The following TASOR2 variants were observed in gnomAD, a reference collection of about 807,000 sequenced individuals.
TASOR2 encodes the protein transcription activation suppressor family member 2.
In TASOR2, 84 loss-of-function variants were observed where a neutral mutation model predicts 199.5. The observed-to-expected ratio is 0.42, with a 90% CI of 0.35 to 0.50. The LOEUF (loss-of-function observed/expected upper bound fraction) is 0.50, where lower values mean the gene tolerates loss of function less well. TASOR2 is among the 20% of genes least tolerant of loss of function. TASOR2 has a pLI of 0.02. For missense variants in TASOR2, 2,796 were observed against 2,835.9 expected, an observed-to-expected ratio of 0.99 and a Z score of 0.32; for synonymous variants, 1,103 against 1,046.6, an observed-to-expected ratio of 1.05 and a Z score of -1.04.
intron 1 of TASOR2, chr10:5,693,002 GGAGGTGACT>G (rs1836655887): frequency 1.3e-5 from 2 of 152,396 alleles, no homozygotes; most frequent in East Asian, 1.9e-4. Context: ...GCTCACCCAC[GGAGGTGACT>G]GTTAATACAG....
At chr10:5,734,645 A>G (rs1835298993) in intron 11 of TASOR2, among the ~76,000 whole-genome samples, 1 of 150,944 alleles carries the variant, frequency 6.6e-6, no homozygotes, top group African/African-American at 2.4e-5. Context: ...AAACAGAAAT[A>G]TCTATATCCT....
intron 14 of TASOR2, among the ~76,000 whole-genome samples, chr10:5,744,972 T>C (rs1347636629): frequency 6.6e-6 from 1 of 152,222 alleles, no homozygotes; most frequent in African/African-American, 2.4e-5. Context: ...ACACAGTTCC[T>C]GATTTCCAAC....
In TASOR2 at chr10:5,737,291, T is replaced by G. The variant is rs118013621; in HGVS notation, c.1447+1745T>G. ...AGGTTTGTTTTTTTTAGTTTTTTTGTTTTTTTTTTCAACTTAAGCATACCC... is the reference window on the plus strand; with the variant it reads ...AGGTTTGTTTTTTTTAGTTTTTTTGGTTTTTTTTTCAACTTAAGCATACCC... On this transcript the variant is annotated intron_variant, in intron 12 of 20. Transcript: ENST00000328090. This position sits in a 1 kb window ranked among gnomAD's most constrained non-coding sequence, Gnocchi z 4.9. Among the ~76,000 whole-genome samples, 967 of 148,758 alleles carry G rather than the reference T, an allele frequency of 6.5e-3. 16 individuals carry two copies. Among genetic ancestry groups the G allele is most frequent in the South Asian group, 0.046 (216 of 4,668 alleles).
In TASOR2 at chr10:5,726,854, C is replaced by A. The variant is rs373807177; in HGVS notation, c.352-31C>A. 2.9e-4 allele frequency: 458 copies of A among 1,578,850 alleles called. 1 individual carries two copies. The Middle Eastern group carries it at 3.0e-3, about 10-fold the overall frequency. On this transcript the variant is annotated intron_variant, in intron 8 of 20. Coordinates refer to ENST00000328090, the Ensembl canonical transcript of TASOR2. Reference sequence around the variant, plus strand: ...GAGAAGAGAGGGATTGCAGAATATTCCTTCAGTTGAATTTTTCCTTTTTAT... The same window carrying A: ...GAGAAGAGAGGGATTGCAGAATATTACTTCAGTTGAATTTTTCCTTTTTAT...
At chr10:5,708,544 CTCTT>C (rs1191239221) in intron 1 of TASOR2, among the ~76,000 whole-genome samples, 74 of 149,350 alleles carry the variant, frequency 5.0e-4, no homozygotes, top group Middle Eastern at 3.4e-3. Context: ...TCCTTTCTTT[CTCTT>C]TCTTTCTTTC....
intron 14 of TASOR2, among the ~76,000 whole-genome samples, chr10:5,745,363 A>G (rs1837038387): frequency 6.6e-6 from 1 of 152,224 alleles, no homozygotes; most frequent in East Asian, 1.9e-4. Flanking sequence ...ACTAGAATCA[A>G]TGTATTCTGA....
chr10:5,691,948 C>T (rs767499725), intron 1 of TASOR2, among the ~76,000 whole-genome samples: 62 of 152,192 alleles, frequency 4.1e-4, no homozygotes, highest in Admixed American at 9.8e-4. Flanking sequence ...GAGACAGAGG[C>T]GGGCTGATCA....
intron 1 of TASOR2, among the ~76,000 whole-genome samples, chr10:5,693,638 G>T (rs1836770829): frequency 6.6e-6 from 1 of 152,172 alleles, no homozygotes; most frequent in Non-Finnish European, 1.5e-5. Flanking sequence ...GGAGGAGGGG[G>T]GAACCCCCAC....
rs1434091507 is a variant in TASOR2, at chr10:5,740,646, A to C, written c.2327+149A>C. 1.2e-6 allele frequency: 1 copy of C among 861,290 alleles called. No individual in the cohort carries two copies. The highest frequency in any genetic ancestry group is 2.7e-5 in the East Asian group (1 of 37,218). 53.4% of individuals were successfully genotyped at this position (861,290 alleles called of 1,614,324 possible). A position where few individuals can be genotyped will look rare whatever the true frequency, so the allele number is the denominator to read the frequency against. On this transcript the variant is annotated intron_variant, in intron 13 of 20. Transcript: ENST00000328090. This position sits in a 1 kb window ranked among gnomAD's most constrained non-coding sequence, Gnocchi z 5.3. The stretch of plus-strand genomic sequence containing the variant: ...AATTTGATAATAACATCAAGCAAAC[A>C]TGTTTCCTGGCAATTAAGAGTAACA...
In TASOR2 at chr10:5,699,669, A is replaced by G. The variant is rs897726245; in HGVS notation, c.-287-13154A>G. ...AGAAATAGAGAAAAATGATCAAGCC[A>G]TTTCAGAAGTACACAAGGGAGACTA... On this transcript the variant is annotated intron_variant, in intron 1 of 20. Coordinates refer to ENST00000328090, the Ensembl canonical transcript of TASOR2. The surrounding 1 kb of genome is among the most constrained non-coding windows in gnomAD (Gnocchi z 4.1). 6.9e-6 allele frequency: 2 copies of G among 289,072 alleles called. No homozygotes were observed. The highest frequency in any genetic ancestry group is 1.7e-3 in the Middle Eastern group (1 of 572). The allele number at this position is 289,072 out of a possible 1,614,324, so 17.9% of individuals were successfully genotyped here. A position where few individuals can be genotyped will look rare whatever the true frequency, so the allele number is the denominator to read the frequency against.
At chr10:5,708,845 G>A (rs888307804) in intron 1 of TASOR2, among the ~76,000 whole-genome samples, 1 of 151,926 alleles carries the variant, frequency 6.6e-6, no homozygotes, top group Admixed American at 6.6e-5. Flanking sequence ...GGGACTACAG[G>A]TGCACTCCAC....
intron 14 of TASOR2, chr10:5,743,975 CA>C (rs1369968242): frequency 1.3e-5 from 2 of 152,200 alleles, no homozygotes; most frequent in Non-Finnish European, 2.9e-5. Flanking sequence ...GCATGATAGG[CA>C]CTAGAAACCA....
At chr10:5,753,422 G>A (rs1266452932) in intron 15 of TASOR2, among the ~76,000 whole-genome samples, 1 of 152,198 alleles carries the variant, frequency 6.6e-6, no homozygotes, top group Admixed American at 6.5e-5. Context: ...GAGTGCAGTG[G>A]CGCGATCTCG....
rs946631001 is a variant in TASOR2 at position 5,710,075 on chromosome 10, T to C, written c.-287-2748T>C. Among the ~76,000 whole-genome samples, 10 of 152,178 alleles carry C rather than the reference T, an allele frequency of 6.6e-5. No homozygotes were observed. The highest frequency in any genetic ancestry group is 2.2e-4 in the African/African-American group (9 of 41,466). On this transcript the variant is annotated intron_variant, in intron 1 of 20. Coordinates refer to ENST00000328090, the Ensembl canonical transcript of TASOR2. The surrounding 1 kb of genome is among the most constrained non-coding windows in gnomAD (Gnocchi z 4.6). ...ATAAAGCTTGAGCATTGCTCAGCAG[T>C]TATGAGACCATTCATTCATAAAGTG...
At chr10:5,718,171 T>TA (rs1832882853) in intron 3 of TASOR2, among the ~76,000 whole-genome samples, 2 of 152,190 alleles carry the variant, frequency 1.3e-5, no homozygotes, top group Non-Finnish European at 2.9e-5. Flanking sequence ...CTTCATGTGC[T>TA]ACCTAGAACT....
intron 1 of TASOR2, among the ~76,000 whole-genome samples, chr10:5,693,392 G>C (rs564702219): frequency 6.6e-6 from 1 of 152,230 alleles, no homozygotes; most frequent in Non-Finnish European, 1.5e-5. Flanking sequence ...TGTGCGTGCC[G>C]TGATTATCTT....
At position 5,722,729 on chromosome 10, in the gene TASOR2, C is replaced by T. The variant is rs563565394; in HGVS notation, c.147-948C>T. Among the ~76,000 whole-genome samples, 30 of 152,014 alleles carry T rather than the reference C, an allele frequency of 2.0e-4. No homozygotes were observed. Among genetic ancestry groups the T allele is most frequent in the Non-Finnish European group, 3.7e-4 (25 of 68,020 alleles). On this transcript the variant is annotated intron_variant, in intron 6 of 20. Transcript: ENST00000328090. The surrounding 1 kb of genome is among the most constrained non-coding windows in gnomAD (Gnocchi z 4.0). ...AGTTTTTAAAAAGGAAACAGAGTGC[C>T]GGGCACAGTGGCTTACACCTGTAGT...
At position 5,730,474 on chromosome 10, in the gene TASOR2, G is replaced by C; in HGVS notation, c.488-13G>C. 6.5e-7 allele frequency: 1 copy of C among 1,545,628 alleles called. No individual in the cohort carries two copies. Among genetic ancestry groups the C allele is most frequent in the Non-Finnish European group, 8.7e-7 (1 of 1,144,466 alleles). On this transcript the variant is annotated splice_polypyrimidine_tract_variant and intron_variant, in intron 10 of 20. Transcript: ENST00000328090. This position sits in a 1 kb window ranked among gnomAD's most constrained non-coding sequence, Gnocchi z 4.1. ...TAAACTTCAGATGTTTAATACGTGTGTATATATTCTAGGGGTGAAAGATTT... is the reference window on the plus strand; with the variant it reads ...TAAACTTCAGATGTTTAATACGTGTCTATATATTCTAGGGGTGAAAGATTT...
chr10:5,693,035 G>T (rs1300222017), intron 1 of TASOR2: 1 of 152,334 alleles, frequency 6.6e-6, no homozygotes, highest in Non-Finnish European at 1.5e-5. Flanking sequence ...TGAGTGCGAA[G>T]GAGACCCGAG....
Sources: gnomAD v4.1 joint callset for allele counts (sites outside exome capture counted in the v4.1 genomes callset) on GRCh38, gnomAD v4.1.1 for gene constraint, Gnocchi (gnomAD v3.1) non-coding constraint, MANE v1.5 for transcripts, NCBI Gene and HGNC (gene_info 2026-07-23, HGNC 2026-07-21) for gene names.